The following DAB1 variants were observed in gnomAD, a reference collection of about 807,000 sequenced individuals.
DAB1 encodes DAB adaptor protein 1, also known as disabled homolog 1.
DAB1 carries 15 observed loss-of-function variants against 64.6 expected under a neutral mutation model. The ratio of observed to expected loss-of-function variants is 0.23; its 90% CI spans 0.16 to 0.36. The LOEUF (loss-of-function observed/expected upper bound fraction) is 0.36, where lower values mean the gene tolerates loss of function less well. DAB1 is among the 10% of genes least tolerant of loss of function. DAB1 has a pLI of 1.00. For synonymous variants in DAB1, 235 were observed against 251.9 expected (o/e 0.93, Z 0.64); for missense variants, 596 against 706.7 (o/e 0.84, Z 1.78).
rs776398255 is a variant in DAB1 at position 57,218,515 on chromosome 1, TAA to T, written c.67+72447_67+72448del. Among the ~76,000 whole-genome samples the T allele has an allele frequency of 7.0e-3, 500 of 71,368 alleles. 1 individual carries two copies. The highest frequency in any genetic ancestry group is 0.036 in the African/African-American group (476 of 13,384). 46.8% of individuals were successfully genotyped at this position (71,368 alleles called of 152,430 possible). On this transcript the variant is annotated intron_variant, in intron 2 of 14. Coordinates refer to ENST00000371236, the MANE Select transcript of DAB1 (RefSeq NM_001365792.1). The stretch of plus-strand genomic sequence containing the variant: ...AGCAACATAGTGAGACCCCCATCTC[TAA>T]AAAAAAAAAAAAAAAAAAAAAAAAA...
intron 7 of DAB1, among the ~76,000 whole-genome samples, chr1:57,444,343 A>G (rs1246657820): frequency 6.6e-6 from 1 of 152,226 alleles, no homozygotes; most frequent in Non-Finnish European, 1.5e-5. Flanking sequence ...TACTATATAA[A>G]AAGAATGATT....
intron 4 of DAB1, among the ~76,000 whole-genome samples, chr1:58,247,345 C>CA (rs1180754401): frequency 3.4e-5 from 5 of 148,400 alleles, no homozygotes; most frequent in Admixed American, 1.3e-4. Flanking sequence ...GAAAACAAGC[C>CA]AAAAAAAACA....
chr1:58,471,680 C>T (rs1557430684), intron 3 of DAB1, among the ~76,000 whole-genome samples: 1 of 152,026 alleles, frequency 6.6e-6, no homozygotes, highest in Non-Finnish European at 1.5e-5. Flanking sequence ...TAGCACTATC[C>T]CCTCTGTGCT....
In DAB1 at chr1:57,526,221, C is replaced by A. The variant is rs149577729; in HGVS notation, n.625+123371G>T. Among the ~76,000 whole-genome samples the A allele has an allele frequency of 4.7e-3, 713 of 152,288 alleles. 3 individuals are homozygous for A. Among genetic ancestry groups the A allele is most frequent in the Non-Finnish European group, 7.7e-3 (527 of 68,022 alleles). ...ACAGTGCTGGCATTACAGGCGTGAG[C>A]CACTGCGCCCGGCCTTAAATAGCAT... On this transcript the variant is annotated intron_variant and non_coding_transcript_variant, in intron 7 of 20. Transcript: ENST00000485760.
At chr1:57,289,024 C>G (rs1672558038) in intron 2 of DAB1, among the ~76,000 whole-genome samples, 1 of 152,158 alleles carries the variant, frequency 6.6e-6, no homozygotes, top group African/African-American at 2.4e-5. Context: ...GAATTTGAAT[C>G]CAGCTCTGCC....
upstream of DAB1, among the ~76,000 whole-genome samples, chr1:57,887,446 A>G (rs1267833602): frequency 3.3e-5 from 5 of 152,260 alleles, no homozygotes; most frequent in Non-Finnish European, 1.5e-5. Flanking sequence ...TCACTACTGT[A>G]TAATTTACTG....
At chr1:57,840,131 A>G (rs1050215759) in intron 1 of DAB1, among the ~76,000 whole-genome samples, 1 of 152,194 alleles carries the variant, frequency 6.6e-6, no homozygotes, top group African/African-American at 2.4e-5. Context: ...GCTTTCTCTG[A>G]TAGGCATTTA....
chr1:58,121,972 G>T (rs770841682), intron 5 of DAB1, among the ~76,000 whole-genome samples: 4 of 152,112 alleles, frequency 2.6e-5, no homozygotes, highest in African/African-American at 4.8e-5. Flanking sequence ...TGTGTATATT[G>T]TGAGAAAAAC....
chr1:57,788,637 G>A (rs1289066783), intron 6 of DAB1, among the ~76,000 whole-genome samples: 1 of 152,090 alleles, frequency 6.6e-6, no homozygotes, highest in South Asian at 2.1e-4. Flanking sequence ...TACTCAGGAT[G>A]GACTCTAGAG....
chr1:57,678,759 C>CGG (rs1215827470), intron 6 of DAB1, among the ~76,000 whole-genome samples: 3 of 89,130 alleles, frequency 3.4e-5, no homozygotes, highest in African/African-American at 1.5e-4. Context: ...AGTGAGGCAA[C>CGG]TGTTTTTTGT....
intron 4 of DAB1, among the ~76,000 whole-genome samples, chr1:58,317,892 C>T (rs1662593554): frequency 6.6e-6 from 1 of 152,202 alleles, no homozygotes; most frequent in South Asian, 2.1e-4. Context: ...AAACATGTTT[C>T]CCCATCTGTA....
chr1:57,566,315 A>G (rs1645119964), intron 7 of DAB1, among the ~76,000 whole-genome samples: 1 of 152,232 alleles, frequency 6.6e-6, no homozygotes, highest in Non-Finnish European at 1.5e-5. Flanking sequence ...TGCCCAAAAG[A>G]GAAAGGAGGA....
chr1:57,494,870 C>T (rs1459044952), intron 7 of DAB1, among the ~76,000 whole-genome samples: 1 of 152,154 alleles, frequency 6.6e-6, no homozygotes, highest in Non-Finnish European at 1.5e-5. Flanking sequence ...TACCTTGCTT[C>T]AGCTGTGAAA....
intron 7 of DAB1, among the ~76,000 whole-genome samples, chr1:57,460,967 G>C (rs2101178885): frequency 6.6e-6 from 1 of 152,294 alleles, no homozygotes; most frequent in Middle Eastern, 3.4e-3. Context: ...CGTGTGCCAT[G>C]GTGGTTTGCT....
intron 3 of DAB1, among the ~76,000 whole-genome samples, chr1:58,374,093 G>A (rs1344984903): frequency 1.7e-5 from 1 of 57,330 alleles, no homozygotes; most frequent in African/African-American, 5.5e-5. Flanking sequence ...TTTGTCAGAT[G>A]AGTAGGTTGC....
intron 5 of DAB1, among the ~76,000 whole-genome samples, chr1:57,979,900 C>A (rs893833228): frequency 3.3e-5 from 5 of 152,154 alleles, no homozygotes; most frequent in Non-Finnish European, 7.3e-5. Context: ...CTAAAATTTA[C>A]ACACTTCTAT....
chr1:57,648,563 A>G (rs941973797), intron 7 of DAB1, among the ~76,000 whole-genome samples: 83 of 152,156 alleles, frequency 5.5e-4, no homozygotes, highest in African/African-American at 1.8e-3. Context: ...AAAGCTTCTC[A>G]TATTTTTAAT....
At chr1:57,500,474 A>C (rs1644277883) in intron 7 of DAB1, among the ~76,000 whole-genome samples, 1 of 152,244 alleles carries the variant, frequency 6.6e-6, no homozygotes, top group African/African-American at 2.4e-5. Context: ...TGAAGAATTC[A>C]ATTACAGGAA....
At chr1:57,672,528 G>A (rs200102245) in intron 6 of DAB1, among the ~76,000 whole-genome samples, 1 of 152,250 alleles carries the variant, frequency 6.6e-6, no homozygotes, top group East Asian at 1.9e-4. Context: ...TCACAAGGCT[G>A]TCACCTATAG....
Sources: allele counts gnomAD v4.1 joint callset (sites outside exome capture counted in the v4.1 genomes callset), GRCh38; gene constraint gnomAD v4.1.1; transcripts MANE v1.5; gene names NCBI Gene and HGNC (gene_info 2026-07-23, HGNC 2026-07-21).